The following EIF4G3 variants were observed in gnomAD, a reference collection of about 807,000 sequenced individuals.
EIF4G3 encodes the protein eIF-4-gamma 3.
Under a neutral mutation model 186.4 loss-of-function variants are expected in EIF4G3, and 34 were observed. The ratio of observed to expected loss-of-function variants is 0.18; its 90% CI spans 0.14 to 0.24. The LOEUF is 0.24. Among genes scored for constraint, EIF4G3 ranks in the 10% least tolerant of loss-of-function variants. The pLI, the probability that EIF4G3 is intolerant of heterozygous loss-of-function variation, is 1.00. For synonymous variants in EIF4G3, 673 were observed against 679.5 expected (o/e 0.99, Z 0.15); for missense variants, 1,536 against 1,948.5 (o/e 0.79, Z 3.99).
chr1:20,924,614 T>C (rs1032806058), intron 14 of EIF4G3, among the ~76,000 whole-genome samples: 2 of 152,122 alleles, frequency 1.3e-5, no homozygotes. Context: ...CAGGCTGGAG[T>C]GCATGCAGTG....
intron 2 of EIF4G3, among the ~76,000 whole-genome samples, chr1:21,160,361 C>T (rs2097744604): frequency 1.3e-5 from 2 of 151,984 alleles, no homozygotes; most frequent in African/African-American, 2.4e-5. Flanking sequence ...TAGAAAGTCA[C>T]AATTGGGCAA....
intron 14 of EIF4G3, among the ~76,000 whole-genome samples, chr1:20,907,465 T>C (rs1018722479): frequency 2.0e-5 from 3 of 152,018 alleles, no homozygotes; most frequent in Non-Finnish European, 4.4e-5. Context: ...TATGTATACA[T>C]GTGCCATGTT....
At chr1:21,026,336 T>C (rs1485734191) in intron 4 of EIF4G3, among the ~76,000 whole-genome samples, 2 of 152,034 alleles carry the variant, frequency 1.3e-5, no homozygotes, top group African/African-American at 2.4e-5. Context: ...AAATTAGATA[T>C]ACATATGCAA....
intron 4 of EIF4G3, among the ~76,000 whole-genome samples, chr1:21,017,125 T>A (rs1298892486): frequency 6.6e-6 from 1 of 152,168 alleles, no homozygotes; most frequent in East Asian, 1.9e-4. Context: ...AAAAATATTA[T>A]TCATCCTTTA....
chr1:20,901,961 A>G (rs988770873), intron 15 of EIF4G3, among the ~76,000 whole-genome samples: 1 of 152,232 alleles, frequency 6.6e-6, no homozygotes. Flanking sequence ...AACTATGTAT[A>G]TAATAATTGA....
intron 12 of EIF4G3, among the ~76,000 whole-genome samples, chr1:20,961,769 T>A (rs1230255412): frequency 6.6e-6 from 1 of 152,200 alleles, no homozygotes; most frequent in African/African-American, 2.4e-5. Context: ...CTATTTAAAG[T>A]CTACAAGGCT....
At chr1:21,034,564 A>G (rs1571400463) in intron 4 of EIF4G3, among the ~76,000 whole-genome samples, 1 of 152,360 alleles carries the variant, frequency 6.6e-6, no homozygotes, top group South Asian at 2.1e-4. Context: ...ATAGTATGAG[A>G]CAATTTTGCC....
intron 33 of EIF4G3, 84 bp from the exon 34 acceptor site, chr1:20,817,622 T>G: frequency 1.2e-6 from 1 of 815,928 alleles, no homozygotes; most frequent in South Asian, 4.3e-5. Flanking sequence ...AAGTCATAGG[T>G]TACGTCTTCT....
chr1:21,112,876 G>A (rs1012893356), intron 2 of EIF4G3, among the ~76,000 whole-genome samples: 10 of 151,966 alleles, frequency 6.6e-5, no homozygotes, highest in Non-Finnish European at 1.3e-4. Context: ...ATCCAGTATC[G>A]TAAGTCCAAA....
At position 21,123,462 on chromosome 1, in the gene EIF4G3, G is replaced by C. The variant is rs113830479; in HGVS notation, c.-271-34249C>G. On this transcript the variant is annotated intron_variant, in intron 2 of 36. Transcript: ENST00000602326. ...ACCTGTAGTCCCAGCTACACAGGAG[G>C]CTGAGGCACGAGATATCGCTTGAAC... Among the ~76,000 whole-genome samples, 550 of 151,552 alleles carry C rather than the reference G, an allele frequency of 3.6e-3. 6 individuals are homozygous for C. Among genetic ancestry groups the C allele is most frequent in the African/African-American group, 0.013 (519 of 41,246 alleles).
intron 13 of EIF4G3, 53 bp downstream of exon 13, chr1:20,949,950 A>G: frequency 7.0e-7 from 1 of 1,435,500 alleles, no homozygotes. Flanking sequence ...CGGCAATGTA[A>G]TTAATAAAAA....
intron 14 of EIF4G3, among the ~76,000 whole-genome samples, chr1:20,934,348 G>A (rs2095442654): frequency 1.3e-5 from 2 of 152,128 alleles, no homozygotes; most frequent in Admixed American, 6.5e-5. Context: ...TTAAGTGGCA[G>A]CTAAATGGTT....
chr1:20,931,982 C>T (rs2095333381), intron 14 of EIF4G3, among the ~76,000 whole-genome samples: 1 of 151,878 alleles, frequency 6.6e-6, no homozygotes, highest in South Asian at 2.1e-4. Flanking sequence ...GTTTCATCTA[C>T]AATATCAGTA....
At chr1:20,997,685 A>G (rs1219882813) in intron 6 of EIF4G3, 52 bp from the exon 7 acceptor site, 6 of 1,459,932 alleles carry the variant, frequency 4.1e-6, no homozygotes, top group Non-Finnish European at 5.5e-6. Flanking sequence ...AAGAGTCAGA[A>G]ACACCACAAC....
chr1:21,060,952 T>C (rs1571909127), intron 3 of EIF4G3, among the ~76,000 whole-genome samples: 2 of 152,188 alleles, frequency 1.3e-5, no homozygotes, highest in South Asian at 4.1e-4. Flanking sequence ...GAGAACTTTA[T>C]ACCAAGCATT....
intron 4 of EIF4G3, among the ~76,000 whole-genome samples, chr1:21,049,993 G>A (rs1037769205): frequency 6.6e-6 from 1 of 152,134 alleles, no homozygotes; most frequent in Non-Finnish European, 1.5e-5. Flanking sequence ...ATTATTTTTA[G>A]TAATTCCTGA....
chr1:20,851,266 C>T lies in EIF4G3; in HGVS notation c.3764G>A (p.Arg1255Lys). The part of the protein sequence containing the change: ...NSTEAERNKT[R>K]ESAKPEISAM... ...TAAGCCAAGTCTCTCACCTGACTCC[C>T]TTGTTTTATTTCGCTCAGCCTCAGT... Residue 1255 changes from arginine (R) to lysine (K), a missense_variant, in exon 28 of 37, where the codon AGG becomes AAG. This residue lies in a region of EIF4G3 where 395 missense variants were observed against 498.9 expected (regional missense o/e 0.79). Coordinates refer to ENST00000602326, the MANE Select transcript of EIF4G3 (RefSeq NM_001391906.1). 6.2e-7 allele frequency: 1 copy of T among 1,614,122 alleles called. No individual in the cohort carries two copies.
chr1:21,062,046 C>CT (rs1348513313), intron 3 of EIF4G3, among the ~76,000 whole-genome samples: 1 of 151,902 alleles, frequency 6.6e-6, no homozygotes, highest in Non-Finnish European at 1.5e-5. Flanking sequence ...CGCACCCAGT[C>CT]TCTCTGCTTG....
chr1:20,822,825 T>A (rs960510028), intron 33 of EIF4G3, among the ~76,000 whole-genome samples: 4 of 152,176 alleles, frequency 2.6e-5, no homozygotes, highest in African/African-American at 9.6e-5. Flanking sequence ...CAGTTAAAAA[T>A]GTTTTTTACT....
Sources: allele counts gnomAD v4.1 joint callset (sites outside exome capture counted in the v4.1 genomes callset), GRCh38; gene constraint gnomAD v4.1.1; regional missense constraint gnomAD v4.1.1; transcripts MANE v1.5; gene names NCBI Gene and HGNC (gene_info 2026-07-23, HGNC 2026-07-21).